Variants in TULP4 observed in about 807,000 individuals in gnomAD.
The protein encoded by TULP4 is tubby-related protein 4.
Under a neutral mutation model 129.0 loss-of-function variants are expected in TULP4, and 16 were observed. The ratio of observed to expected loss-of-function variants is 0.12; its 90% CI spans 0.08 to 0.19. The LOEUF (loss-of-function observed/expected upper bound fraction) is 0.19. Ranked by LOEUF, TULP4 falls within the 10% of genes least tolerant of loss-of-function variation. The pLI is 1.00. For missense variants in TULP4, 1,842 were observed against 2,059.1 expected (o/e 0.89, Z 2.04); for synonymous variants, 998 against 854.0 (o/e 1.17, Z -2.94).
chr6:158,353,874 G>T (rs541146317), intron 1 of TULP4, among the ~76,000 whole-genome samples: 1 of 152,246 alleles, frequency 6.6e-6, no homozygotes, highest in Non-Finnish European at 1.5e-5. Context: ...TTGATGGAAG[G>T]TAGAAGTACC....
chr6:158,502,990 G>A lies in TULP4; in HGVS notation c.3327G>A (p.Leu1109=), dbSNP rs1046330531. 3 of 1,613,930 alleles carry A rather than the reference G, an allele frequency of 1.9e-6. No homozygotes were observed. The African/African-American group carries it at 4.0e-5, about 22-fold the overall frequency. The change falls in exon 13 of 14, where the codon CTG becomes CTA. Residue 1109 remains leucine, a synonymous_variant. Coordinates refer to ENST00000367097, the MANE Select transcript of TULP4 (RefSeq NM_020245.5). ...QLEKPLRHPP[L]PEAAVTLKRP... ...AGAAGCCCTTGAGGCACCCTCCCCTGCCTGAAGCTGCTGTCACCCTGAAAC... is the reference window on the plus strand; with the variant it reads ...AGAAGCCCTTGAGGCACCCTCCCCTACCTGAAGCTGCTGTCACCCTGAAAC...
At chr6:158,277,761 C>T (rs943159992), upstream of TULP4, among the ~76,000 whole-genome samples, 2 of 152,148 alleles carry the variant, frequency 1.3e-5, no homozygotes, top group Non-Finnish European at 1.5e-5. Context: ...GATCTTAATT[C>T]GGGGACTTCT....
intron 6 of TULP4, among the ~76,000 whole-genome samples, chr6:158,473,396 C>T (rs188624691): frequency 1.3e-4 from 20 of 152,304 alleles, no homozygotes; most frequent in African/African-American, 3.9e-4. Flanking sequence ...GTTGACCGAA[C>T]GCTGAACTAG....
Position 158,485,398 on chromosome 6 carries a change from C to T in TULP4, c.1486+4109C>T, listed in dbSNP as rs558824273. Among the ~76,000 whole-genome samples, 9 of 152,272 alleles carry T rather than the reference C, an allele frequency of 5.9e-5. No individual in the cohort carries two copies. In the East Asian group the frequency reaches 1.7e-3, roughly 29 times the overall value. On this transcript the variant is annotated intron_variant, in intron 8 of 13. Coordinates refer to ENST00000367097, the MANE Select transcript of TULP4 (RefSeq NM_020245.5). ...AATACCAAAGTTATGGCTGGACTCT[C>T]ATTTGATAAAGCGCTTATGAAATTA...
At chr6:158,259,038 T>G (rs1448251183) in intron 1 of TULP4, among the ~76,000 whole-genome samples, 1 of 152,196 alleles carries the variant, frequency 6.6e-6, no homozygotes. Flanking sequence ...GAGAACAGCC[T>G]GGCCAATATG....
In TULP4 at chr6:158,502,462, G is replaced by C; in HGVS notation, c.2799G>C (p.Lys933Asn). 6.2e-7 allele frequency: 1 copy of C among 1,613,382 alleles called. No homozygotes were observed. The highest frequency in any genetic ancestry group is 8.5e-7 in the Non-Finnish European group (1 of 1,179,874). The change falls in exon 13 of 14, where the codon AAG (lysine) becomes AAC (asparagine). Residue 933 changes from lysine (K) to asparagine (N), a missense_variant. Physicochemically the swap from Lys to Asn is moderately conservative, Grantham distance 94. Around this residue, in one of 5 missense-constraint regions of TULP4, gnomAD observed 1,089 missense variants for 987.1 expected, o/e 1.10. Coordinates refer to ENST00000367097, the MANE Select transcript of TULP4 (RefSeq NM_020245.5). ...ATLRLTATEK[K>N]VPQPCSSATL... The stretch of plus-strand genomic sequence containing the variant: ...TGAGGCTCACGGCCACTGAGAAGAA[G>C]GTCCCTCAGCCCTGCAGCAGTGCCA...
chr6:158,445,389 T>C (rs969065120), intron 3 of TULP4, among the ~76,000 whole-genome samples: 3 of 152,130 alleles, frequency 2.0e-5, no homozygotes, highest in African/African-American at 7.2e-5. Context: ...GATTTGAGAA[T>C]TGGTTTATAA....
chr6:158,405,154 T>C (rs1777949640), intron 1 of TULP4, among the ~76,000 whole-genome samples: 1 of 152,214 alleles, frequency 6.6e-6, no homozygotes, highest in Non-Finnish European at 1.5e-5. Context: ...CTGAAATACA[T>C]TGTTTAAATT....
intron 1 of TULP4, among the ~76,000 whole-genome samples, chr6:158,392,560 A>AAGGC (rs1777608176): frequency 1.3e-5 from 2 of 152,094 alleles, no homozygotes; most frequent in Admixed American, 6.6e-5. Flanking sequence ...CATAGTGTTA[A>AAGGC]AGGCAGGAGA....
At chr6:158,423,570 G>A (rs1423780898) in intron 2 of TULP4, among the ~76,000 whole-genome samples, 1 of 152,076 alleles carries the variant, frequency 6.6e-6, no homozygotes, top group Non-Finnish European at 1.5e-5. Flanking sequence ...CAGTTATTAT[G>A]GGCCAATTAT....
At position 158,481,306 on chromosome 6, in the gene TULP4, A is replaced by C; in HGVS notation, c.1486+17A>C. On this transcript the variant is annotated intron_variant, in intron 8 of 13. Transcript: ENST00000367097. ...GCAAACCAGGTGGGCCCCTCACCCG[A>C]GGGACTGGGACCTTGTTCTCCTGTG... 1.9e-6 allele frequency: 3 copies of C among 1,603,652 alleles called. No individual in the cohort carries two copies. Among genetic ancestry groups the C allele is most frequent in the Non-Finnish European group, 2.6e-6 (3 of 1,174,532 alleles).
At chr6:158,461,445 A>G (rs879109543) in intron 5 of TULP4, 118 bp from the exon 6 acceptor site, 4 of 917,452 alleles carry the variant, frequency 4.4e-6, no homozygotes, top group South Asian at 2.0e-5. Flanking sequence ...CCATGAATAT[A>G]TTTTTGTTGT....
Position 158,509,636 on chromosome 6 carries a change from C to G in TULP4, c.*2942C>G, listed in dbSNP as rs961598768. ...CTTCTAAATGCCTAGCTCCCTCCCC[C>G]AAAGGCGCTTTCCCCCGATGGAGGC... On this transcript the variant is annotated 3_prime_UTR_variant, in exon 14 of 14. Transcript: ENST00000367097. 2 of 152,186 alleles carry G rather than the reference C, an allele frequency of 1.3e-5. No individual in the cohort carries two copies. Among genetic ancestry groups the G allele is most frequent in the African/African-American group, 2.4e-5 (1 of 41,440 alleles). 9.4% of individuals were successfully genotyped at this position (152,186 alleles called of 1,614,324 possible).
rs917860620 is a variant in TULP4 at position 158,270,850 on chromosome 6, T to C, written n.68+38547T>C. ...CCTCAGAGTTTATAAAGCAGCTTAG[T>C]GTGAATAGATGCTGTAGGGCCGGGC... On this transcript the variant is annotated intron_variant and non_coding_transcript_variant, in intron 1 of 1. Coordinates refer to the TULP4 transcript ENST00000620026. 3.6e-4 allele frequency among the ~76,000 whole-genome samples: 55 copies of C among 152,152 alleles called. 1 individual carries two copies. The highest frequency in any genetic ancestry group is 1.5e-4 in the Non-Finnish European group (10 of 68,028).
Position 158,336,707 on chromosome 6 carries a change from G to A in TULP4, c.252+22439G>A, listed in dbSNP as rs1488980551. On this transcript the variant is annotated intron_variant, in intron 1 of 13. Coordinates refer to ENST00000367097, the MANE Select transcript of TULP4 (RefSeq NM_020245.5). ...TGTTTTTAAATGCCTTCTAAAAATA[G>A]ATAAAGAACAGAGAGATAACTAACT... Among the ~76,000 whole-genome samples the A allele has an allele frequency of 2.0e-5, 3 of 152,138 alleles. No homozygotes were observed. The East Asian group carries it at 5.8e-4, about 29-fold the overall frequency.
chr6:158,438,483 G>A (rs1014188726), intron 3 of TULP4, among the ~76,000 whole-genome samples: 3 of 152,134 alleles, frequency 2.0e-5, no homozygotes, highest in African/African-American at 4.8e-5. Context: ...TTCCTTTGTC[G>A]GCATAGTCAG....
At chr6:158,458,261 A>T (rs770558296) in intron 5 of TULP4, among the ~76,000 whole-genome samples, 3 of 152,212 alleles carry the variant, frequency 2.0e-5, no homozygotes, top group Non-Finnish European at 2.9e-5. Context: ...GACTTCATAT[A>T]ACCTTCCAGA....
chr6:158,276,306 CT>C (rs59674153), intron 1 of TULP4, among the ~76,000 whole-genome samples: 20,669 of 136,026 alleles, frequency 0.15, 1,895 homozygotes, highest in East Asian at 0.42. Flanking sequence ...CTTCTTCTTT[CT>C]TTTTTTTTTT....
In TULP4 at chr6:158,294,403, C is replaced by T. The variant is rs537807062; in HGVS notation, n.116+12025C>T. 1.4e-4 allele frequency among the ~76,000 whole-genome samples: 22 copies of T among 151,918 alleles called. 1 individual carries two copies. The South Asian group carries it at 4.0e-3, about 27-fold the overall frequency. ...AAAAAAAATAAATAAAGCAGGTTGT[C>T]ATAGTTACTTTATTTAAAAAGAAAT... On this transcript the variant is annotated intron_variant and non_coding_transcript_variant, in intron 1 of 1. Coordinates refer to the TULP4 transcript ENST00000432358.
Sources: allele counts gnomAD v4.1 joint callset (sites outside exome capture counted in the v4.1 genomes callset), GRCh38; gene constraint gnomAD v4.1.1; regional missense constraint gnomAD v4.1.1; transcripts MANE v1.5; gene names NCBI Gene and HGNC (gene_info 2026-07-23, HGNC 2026-07-21).